Variants in NR2F2 observed in about 807,000 individuals in gnomAD.
NR2F2 encodes COUP transcription factor 2.
NR2F2 carries 2 observed loss-of-function variants against 34.8 expected under a neutral mutation model. That is an observed-to-expected ratio of 0.06 (90% CI 0.02 to 0.18). The LOEUF (loss-of-function observed/expected upper bound fraction) is 0.18. Ranked by LOEUF, NR2F2 falls within the 10% of genes least tolerant of loss-of-function variation. The probability of loss-of-function intolerance (pLI) is 1.00; values close to 1 mark genes in which losing one functional copy is unlikely to be tolerated. For missense variants in NR2F2, 300 were observed against 580.1 expected (o/e 0.52, Z 4.96); for synonymous variants, 274 against 251.8 (o/e 1.09, Z -0.84).
chr15:96,333,901 T>C, intron 1 of NR2F2, 175 bp from the exon 2 acceptor site: 1 of 1,444,572 alleles, frequency 6.9e-7, no homozygotes, highest in Non-Finnish European at 9.1e-7. Context: ...TGGGTGGTGG[T>C]TTGAAAGGAA....
upstream of NR2F2, among the ~76,000 whole-genome samples, chr15:96,327,696 C>T (rs1476065788): frequency 1.3e-5 from 2 of 152,144 alleles, no homozygotes; most frequent in South Asian, 2.1e-4. Flanking sequence ...TCCTGGAGGA[C>T]GGAACTGGTT....
At position 96,337,559 on chromosome 15, in the gene NR2F2, C is replaced by T. The variant is rs752287316; in HGVS notation, c.1182C>T (p.Thr394=). The T allele has an allele frequency of 6.2e-7, 1 of 1,614,060 alleles. No homozygotes were observed. The highest frequency in any genetic ancestry group is 1.1e-5 in the South Asian group (1 of 91,076). Residue 394 remains threonine (T), a synonymous_variant, in exon 3 of 3, where the codon ACC becomes ACT. Transcript: ENST00000394166. ...TGGTAGGTAAAACCCCCATCGAAACCCTCATCCGGGATATGTTACTGTCCG... is the reference window on the plus strand; with the variant it reads ...TGGTAGGTAAAACCCCCATCGAAACTCTCATCCGGGATATGTTACTGTCCG... ...VRLVGKTPIE[T]LIRDMLLSGS... is the part of the protein sequence containing the mutation.
rs1899113388 is a variant in NR2F2 at position 96,330,832 on chromosome 15, G to A, written c.-1274G>A. ...TGTGTGTGTGCGTGCGCGCGTGTGT[G>A]TTTTCTTCTTCTCCTCCTCCTCTCC... On this transcript the variant is annotated 5_prime_UTR_variant, in exon 1 of 3. Coordinates refer to ENST00000394166, the MANE Select transcript of NR2F2 (RefSeq NM_021005.4). 2.6e-6 allele frequency: 3 copies of A among 1,152,226 alleles called. No individual in the cohort carries two copies. Among genetic ancestry groups the A allele is most frequent in the South Asian group, 4.4e-5 (1 of 22,692 alleles). 71.4% of individuals were successfully genotyped at this position (1,152,226 alleles called of 1,614,324 possible). A position where few individuals can be genotyped will look rare whatever the true frequency, so the allele number is the denominator to read the frequency against.
chr15:96,337,792 ACTGT>A lies in NR2F2; in HGVS notation c.*172_*175del. On this transcript the variant is annotated 3_prime_UTR_variant, in exon 3 of 3. Transcript: ENST00000394166. ...GTGAATTTCAAAAAAAAAAAAAAAG[ACTGT>A]CAAATGAACTTTTACAGAATGCATT... 5.2e-6 allele frequency: 2 copies of A among 381,692 alleles called. No homozygotes were observed. Among genetic ancestry groups the A allele is most frequent in the Non-Finnish European group, 8.3e-6 (2 of 240,036 alleles). The allele number at this position is 381,692 out of a possible 1,614,324, so 23.6% of individuals were successfully genotyped here. A position where few individuals can be genotyped will look rare whatever the true frequency, so the allele number is the denominator to read the frequency against.
rs1899413804 is a variant in NR2F2, at chr15:96,338,892, T to TG, written c.*1272dup. 1 of 31,514 alleles carries TG rather than the reference T, an allele frequency of 3.2e-5. No individual in the cohort carries two copies. Among genetic ancestry groups the TG allele is most frequent in the South Asian group, 1.2e-3 (1 of 866 alleles). The allele number at this position is 31,514 out of a possible 1,614,324, so 2.0% of individuals were successfully genotyped here. On this transcript the variant is annotated 3_prime_UTR_variant, in exon 3 of 3. Coordinates refer to ENST00000394166, the MANE Select transcript of NR2F2 (RefSeq NM_021005.4). ...CTCGCTTAGCTGGCCGGGCGGGGGG[T>TG]GGTGGGGGGGGGCATTTGTTTACTC...
Position 96,331,993 on chromosome 15 carries a change from C to T in NR2F2, c.-113C>T. ...GGGCGCCCTCCCGCGCCCTCTTGCA[C>T]CCTCGCACACACAAAAGGCGGCGCG... On this transcript the variant is annotated 5_prime_UTR_variant, in exon 1 of 3. Transcript: ENST00000394166. The T allele has an allele frequency of 2.5e-6, 3 of 1,218,442 alleles. No individual in the cohort carries two copies. Among genetic ancestry groups the T allele is most frequent in the Non-Finnish European group, 3.1e-6 (3 of 979,064 alleles). 75.5% of individuals were successfully genotyped at this position (1,218,442 alleles called of 1,614,324 possible). A position where few individuals can be genotyped will look rare whatever the true frequency, so the allele number is the denominator to read the frequency against.
In NR2F2 at chr15:96,340,209, T is replaced by TTACA. The variant is rs1226405358; in HGVS notation, c.*2587_*2588insTACA. On this transcript the variant is annotated 3_prime_UTR_variant, in exon 3 of 3. Transcript: ENST00000394166. ...TAGTTTATTGTAAACAGCCATTTGT[T>TTACA]GTAAATTATTATTGGCATTAAATTA... 1 of 152,244 alleles carries TTACA rather than the reference T, an allele frequency of 6.6e-6. No individual in the cohort carries two copies. Among genetic ancestry groups the TTACA allele is most frequent in the Non-Finnish European group, 1.5e-5 (1 of 68,032 alleles). 9.4% of individuals were successfully genotyped at this position (152,244 alleles called of 1,614,324 possible). A position where few individuals can be genotyped will look rare whatever the true frequency, so the allele number is the denominator to read the frequency against.
upstream of NR2F2, among the ~76,000 whole-genome samples, chr15:96,328,266 T>A (rs1335135184): frequency 6.6e-6 from 1 of 152,178 alleles, no homozygotes; most frequent in Admixed American, 6.5e-5. Flanking sequence ...GGTTGGGAAA[T>A]TATTCCATTT....
At chr15:96,334,640 C>G (rs1476005264) in intron 2 of NR2F2, 37 bp downstream of exon 2, 1 of 1,550,482 alleles carries the variant, frequency 6.4e-7, no homozygotes, top group East Asian at 2.3e-5. Context: ...CCCACGGGCT[C>G]CTAGCCCAGA....
At position 96,331,218 on chromosome 15, in the gene NR2F2, C is replaced by G; in HGVS notation, c.-888C>G. 1.0e-6 allele frequency: 1 copy of G among 980,968 alleles called. No individual in the cohort carries two copies. The highest frequency in any genetic ancestry group is 1.2e-6 in the Non-Finnish European group (1 of 827,448). The allele number at this position is 980,968 out of a possible 1,614,324, so 60.8% of individuals were successfully genotyped here. A position where few individuals can be genotyped will look rare whatever the true frequency, so the allele number is the denominator to read the frequency against. On this transcript the variant is annotated 5_prime_UTR_variant, in exon 1 of 3. Transcript: ENST00000394166. ...GCCCGCAGGGAACGGCGAGCGGCCT[C>G]CACCCAGCGACTGCGGGCGGCGGCG...
rs879929363 is a variant in NR2F2 at position 96,339,669 on chromosome 15, T to C, written c.*2047T>C. 6.6e-6 allele frequency: 1 copy of C among 152,250 alleles called. No homozygotes were observed. Among genetic ancestry groups the C allele is most frequent in the Non-Finnish European group, 1.5e-5 (1 of 68,056 alleles). 9.4% of individuals were successfully genotyped at this position (152,250 alleles called of 1,614,324 possible). ...AAGAAAGAAGGAAGGAGGGAAACTTTACAGGGTGTGCTGATTTGGAAGTAG... is the reference window on the plus strand; with the variant it reads ...AAGAAAGAAGGAAGGAGGGAAACTTCACAGGGTGTGCTGATTTGGAAGTAG... On this transcript the variant is annotated 3_prime_UTR_variant, in exon 3 of 3. Transcript: ENST00000394166.
rs1899384287 is a variant in NR2F2 at position 96,337,908 on chromosome 15, T to C, written c.*286T>C. On this transcript the variant is annotated 3_prime_UTR_variant, in exon 3 of 3. Coordinates refer to ENST00000394166, the MANE Select transcript of NR2F2 (RefSeq NM_021005.4). ...AAAGGAAATTAGTCTTTTTCTTTTT[T>C]TGGTAAATTTTTGAAAAATATTGCT... 3.6e-6 allele frequency: 1 copy of C among 274,304 alleles called. No individual in the cohort carries two copies. The highest frequency in any genetic ancestry group is 4.8e-5 in the Admixed American group (1 of 20,896). 17.0% of individuals were successfully genotyped at this position (274,304 alleles called of 1,614,324 possible).
Position 96,332,028 on chromosome 15 carries a change from G to C in NR2F2, c.-78G>C, listed in dbSNP as rs12916548. 4 of 1,234,094 alleles carry C rather than the reference G, an allele frequency of 3.2e-6. No individual in the cohort carries two copies. In the African/African-American group the frequency reaches 6.3e-5, roughly 20 times the overall value. The allele number at this position is 1,234,094 out of a possible 1,614,324, so 76.4% of individuals were successfully genotyped here. A position where few individuals can be genotyped will look rare whatever the true frequency, so the allele number is the denominator to read the frequency against. On this transcript the variant is annotated 5_prime_UTR_variant, in exon 1 of 3. Transcript: ENST00000394166. ...CACAAAAGGCGGCGCGCCGGAGCCCGAGACCCGGGGAGCCGCCGCCGCCCC... is the reference window on the plus strand; with the variant it reads ...CACAAAAGGCGGCGCGCCGGAGCCCCAGACCCGGGGAGCCGCCGCCGCCCC...
At position 96,333,282 on chromosome 15, in the gene NR2F2, C is replaced by T. The variant is rs560226174; in HGVS notation, c.442+735C>T. ...CGCGCTCGGCGCGGGGCGCGGGCTCCGGGTTGGGGCGAGCCAACGCCGGGG... is the reference window on the plus strand; with the variant it reads ...CGCGCTCGGCGCGGGGCGCGGGCTCTGGGTTGGGGCGAGCCAACGCCGGGG... On this transcript the variant is annotated intron_variant, in intron 1 of 2. Coordinates refer to ENST00000394166, the MANE Select transcript of NR2F2 (RefSeq NM_021005.4). 23 of 958,696 alleles carry T rather than the reference C, an allele frequency of 2.4e-5. No individual in the cohort carries two copies. In the South Asian group the frequency reaches 1.0e-3, roughly 43 times the overall value. 59.4% of individuals were successfully genotyped at this position (958,696 alleles called of 1,614,324 possible).
At chr15:96,326,086 A>C (rs906381867), upstream of NR2F2, 1 of 603,682 alleles carries the variant, frequency 1.7e-6, no homozygotes, top group Non-Finnish European at 3.0e-6. The surrounding 1 kb of genome is among the most constrained non-coding windows in gnomAD (Gnocchi z 5.5). Flanking sequence ...GAGAGAGCCT[A>C]ATACATGGGG....
At chr15:96,336,606 G>A (rs1157412408) in intron 2 of NR2F2, among the ~76,000 whole-genome samples, 1 of 151,472 alleles carries the variant, frequency 6.6e-6, no homozygotes, top group Non-Finnish European at 1.5e-5. Flanking sequence ...AAAAAGAAAA[G>A]TGTTTTCCTG....
chr15:96,337,675 G>T lies in NR2F2; in HGVS notation c.*53G>T. 1 of 1,545,412 alleles carries T rather than the reference G, an allele frequency of 6.5e-7. No homozygotes were observed. The highest frequency in any genetic ancestry group is 1.2e-5 in the South Asian group (1 of 82,506). ...ACAGAGAAAGAAAAGGCAAAAGACT[G>T]GTTTGTTTGCTTAATTTCCTTCTGT... On this transcript the variant is annotated 3_prime_UTR_variant, in exon 3 of 3. Transcript: ENST00000394166.
chr15:96,333,372 C>T, intron 1 of NR2F2: 1 of 1,001,864 alleles, frequency 1.0e-6, no homozygotes, highest in Non-Finnish European at 1.2e-6. Context: ...TGGGCCCGAG[C>T]CTCGCCGGCT....
chr15:96,326,259 A>G, upstream of NR2F2: 1 of 1,498,968 alleles, frequency 6.7e-7, no homozygotes, highest in East Asian at 2.3e-5. The surrounding 1 kb of genome is among the most constrained non-coding windows in gnomAD (Gnocchi z 5.5). Flanking sequence ...CCAACAAAGC[A>G]TTTATTTCAC....
Sources: allele counts gnomAD v4.1 joint callset (sites outside exome capture counted in the v4.1 genomes callset), GRCh38; gene constraint gnomAD v4.1.1; non-coding constraint Gnocchi (gnomAD v3.1); transcripts MANE v1.5; gene names NCBI Gene and HGNC (gene_info 2026-07-23, HGNC 2026-07-21).